The following CDH8 variants were observed in gnomAD, a reference collection of about 807,000 sequenced individuals.
CDH8 encodes cadherin-8.
A neutral mutation model predicts 68.1 loss-of-function variants in CDH8; 17 were observed. The observed-to-expected ratio is 0.25, with a 90% CI of 0.17 to 0.37. The LOEUF (loss-of-function observed/expected upper bound fraction) is 0.37, where lower values mean the gene tolerates loss of function less well. CDH8 is among the 10% of genes least tolerant of loss of function. CDH8 has a pLI of 1.00. For synonymous variants in CDH8, 372 were observed against 365.1 expected (o/e 1.02, Z -0.21); for missense variants, 763 against 999.3 (o/e 0.76, Z 3.19).
intron 3 of CDH8, among the ~76,000 whole-genome samples, chr16:61,864,303 TTGGTTG>T (rs1963211091): frequency 2.1e-5 from 3 of 140,682 alleles, no homozygotes; most frequent in Non-Finnish European, 4.5e-5. Flanking sequence ...GGTTGGTTGG[TTGGTTG>T]GTTGGTTGGT....
At chr16:61,828,574 T>C (rs1962392547) in intron 4 of CDH8, among the ~76,000 whole-genome samples, 1 of 151,852 alleles carries the variant, frequency 6.6e-6, no homozygotes, top group African/African-American at 2.4e-5. Context: ...CATCTGTCAA[T>C]TTTTCCAAAT....
intron 10 of CDH8, among the ~76,000 whole-genome samples, chr16:61,697,381 C>T (rs113558630): frequency 4.6e-5 from 7 of 152,220 alleles, no homozygotes; most frequent in African/African-American, 9.6e-5. Flanking sequence ...TGTTCACCAC[C>T]GAGGCCAAAC....
intron 8 of CDH8, among the ~76,000 whole-genome samples, chr16:61,770,145 A>G (rs1960741481): frequency 1.3e-5 from 2 of 151,936 alleles, no homozygotes; most frequent in South Asian, 4.1e-4. Flanking sequence ...TGTTCAGGTT[A>G]CATCCATCTA....
Position 61,953,927 on chromosome 16 carries a change from A to AT in CDH8, c.253-52455_253-52454insA, listed in dbSNP as rs1964940798. Among the ~76,000 whole-genome samples, 45 of 139,186 alleles carry AT rather than the reference A, an allele frequency of 3.2e-4. 1 individual carries two copies. The highest frequency in any genetic ancestry group is 2.1e-3 in the Admixed American group (30 of 14,012). 91.3% of individuals were successfully genotyped at this position (139,186 alleles called of 152,430 possible). A position where few individuals can be genotyped will look rare whatever the true frequency, so the allele number is the denominator to read the frequency against. ...TATATATATATATATATATATATAT[A>AT]AAATACCTTAATAACATGCTATCTA... On this transcript the variant is annotated intron_variant, in intron 2 of 11. Transcript: ENST00000577390.
intron 3 of CDH8, among the ~76,000 whole-genome samples, chr16:61,891,968 G>A (rs557459328): frequency 6.6e-6 from 1 of 152,256 alleles, no homozygotes; most frequent in East Asian, 1.9e-4. Flanking sequence ...TTATAAAAAA[G>A]AAATGTGTTA....
chr16:62,018,002 CAT>C (rs1260044071), intron 2 of CDH8, among the ~76,000 whole-genome samples: 1 of 152,188 alleles, frequency 6.6e-6, no homozygotes, highest in Admixed American at 6.5e-5. Flanking sequence ...TACACACACA[CAT>C]ACAATTAAGA....
At chr16:61,721,177 A>T (rs751527613) in intron 9 of CDH8, among the ~76,000 whole-genome samples, 1 of 150,850 alleles carries the variant, frequency 6.6e-6, no homozygotes, top group Non-Finnish European at 1.5e-5. Context: ...ACTTTTGTTA[A>T]TGACTCTCTT....
At chr16:61,904,192 T>G (rs1964027267) in intron 2 of CDH8, among the ~76,000 whole-genome samples, 1 of 152,198 alleles carries the variant, frequency 6.6e-6, no homozygotes, top group South Asian at 2.1e-4. Context: ...ACTGTAGGTG[T>G]GCAAAACCAG....
intron 2 of CDH8, among the ~76,000 whole-genome samples, chr16:62,017,880 G>A (rs1901979593): frequency 6.6e-6 from 1 of 152,026 alleles, no homozygotes; most frequent in Admixed American, 6.6e-5. Flanking sequence ...AAGACACACA[G>A]AAACATCACC....
chr16:61,917,376 G>A (rs1964257444), intron 2 of CDH8, among the ~76,000 whole-genome samples: 1 of 152,114 alleles, frequency 6.6e-6, no homozygotes, highest in Non-Finnish European at 1.5e-5. Context: ...GGAAAGACTG[G>A]TCAGACAGCC....
rs1597012212 is a variant in CDH8 at position 61,843,640 on chromosome 16, T to C, written c.667+13479A>G. ...TCTCTCTCTCAGAAACAGTGACCAC[T>C]CAGAGGCTTAGCTTTTGTTTGTTTG... On this transcript the variant is annotated intron_variant, in intron 4 of 11. Transcript: ENST00000577390. Among the ~76,000 whole-genome samples, 3 of 152,312 alleles carry C rather than the reference T, an allele frequency of 2.0e-5. No individual in the cohort carries two copies. In the South Asian group the frequency reaches 6.2e-4, roughly 32 times the overall value.
chr16:61,825,205 T>C, intron 4 of CDH8, 26 bp from the exon 5 acceptor site: 1 of 1,587,180 alleles, frequency 6.3e-7, no homozygotes, highest in Non-Finnish European at 8.6e-7. Flanking sequence ...GAAGAATGAC[T>C]TTCAGTCACA....
At chr16:62,034,217 A>ACACACACACACGCGCG (rs1039068798) in intron 1 of CDH8, among the ~76,000 whole-genome samples, 1 of 151,370 alleles carries the variant, frequency 6.6e-6, no homozygotes, top group African/African-American at 2.4e-5. Context: ...ACACACACAC[A>ACACACACACACGCGCG]CGCACACGAA....
chr16:61,900,808 CACAA>C (rs1272071857), intron 3 of CDH8, among the ~76,000 whole-genome samples: 2 of 152,112 alleles, frequency 1.3e-5, no homozygotes, highest in Non-Finnish European at 2.9e-5. Flanking sequence ...TGTGAATATA[CACAA>C]ACAAATAATT....
intron 4 of CDH8, among the ~76,000 whole-genome samples, chr16:61,854,879 CACTT>C (rs1169384822): frequency 6.6e-6 from 1 of 152,096 alleles, no homozygotes; most frequent in Non-Finnish European, 1.5e-5. Flanking sequence ...GGACAACTAA[CACTT>C]ACTGCTTTCA....
chr16:61,976,994 C>A (rs1418041203), intron 2 of CDH8, among the ~76,000 whole-genome samples: 3 of 152,084 alleles, frequency 2.0e-5, no homozygotes, highest in Non-Finnish European at 4.4e-5. Context: ...ATAACACATG[C>A]AATCAATGGG....
intron 3 of CDH8, among the ~76,000 whole-genome samples, chr16:61,861,965 T>C (rs1181944263): frequency 6.6e-6 from 1 of 152,168 alleles, no homozygotes; most frequent in East Asian, 1.9e-4. Context: ...AGTGAATGCT[T>C]TAATTTATAA....
rs1963232487 is a variant in CDH8, at chr16:61,647,582, T to C, written c.*6026A>G. On this transcript the variant is annotated 3_prime_UTR_variant, in exon 12 of 12. Coordinates refer to ENST00000577390, the MANE Select transcript of CDH8 (RefSeq NM_001796.5). ...ATAGGATGGCCTGAAGTTCTTTGCA[T>C]GTACAGAAGAAATCCCAAGAAATTA... The C allele has an allele frequency of 1.1e-5, 6 of 528,176 alleles. No homozygotes were observed. Among genetic ancestry groups the C allele is most frequent in the East Asian group, 9.6e-5 (3 of 31,184 alleles). The allele number at this position is 528,176 out of a possible 1,614,324, so 32.7% of individuals were successfully genotyped here.
intron 3 of CDH8, among the ~76,000 whole-genome samples, chr16:61,885,539 CTG>C (rs1963656733): frequency 6.6e-6 from 1 of 152,164 alleles, no homozygotes; most frequent in Admixed American, 6.5e-5. Flanking sequence ...TTTATCAGAA[CTG>C]TGAGTTGCTG....
Sources: allele counts gnomAD v4.1 joint callset (sites outside exome capture counted in the v4.1 genomes callset), GRCh38; gene constraint gnomAD v4.1.1; transcripts MANE v1.5; gene names NCBI Gene and HGNC (gene_info 2026-07-23, HGNC 2026-07-21).